WNK2: variants seen among roughly 807,000 people sequenced by gnomAD.
WNK2 encodes the protein serine/threonine-protein kinase WNK2.
WNK2 carries 67 observed loss-of-function variants against 192.1 expected under a neutral mutation model. The observed-to-expected ratio is 0.35, with a 90% CI of 0.29 to 0.43. The LOEUF is 0.43. Among genes scored for constraint, WNK2 ranks in the 20% least tolerant of loss-of-function variants. The probability of loss-of-function intolerance (pLI) is 1.00; values close to 1 mark genes in which losing one functional copy is unlikely to be tolerated. For synonymous variants in WNK2, 1,439 were observed against 1,393.9 expected, an observed-to-expected ratio of 1.03 and a Z score of -0.72; for missense variants, 2,698 against 3,089.7, an observed-to-expected ratio of 0.87 and a Z score of 3.01.
intron 12 of WNK2, among the ~76,000 whole-genome samples, chr9:93,260,519 T>C (rs540666988): frequency 1.3e-5 from 2 of 152,232 alleles, no homozygotes; most frequent in South Asian, 4.1e-4. Flanking sequence ...GCAGCTGGCA[T>C]GGTCCTAATG....
chr9:93,221,118 C>G (rs1474916434), intron 2 of WNK2, among the ~76,000 whole-genome samples: 2 of 152,328 alleles, frequency 1.3e-5, no homozygotes, highest in East Asian at 3.9e-4. Flanking sequence ...AGGGCGGGGC[C>G]CAGCACAGAG....
intron 2 of WNK2, among the ~76,000 whole-genome samples, chr9:93,186,546 G>C (rs1178519375): frequency 6.6e-6 from 1 of 152,230 alleles, no homozygotes; most frequent in Non-Finnish European, 1.5e-5. Flanking sequence ...AGTGTACTCT[G>C]TTGGCCTGTA....
chr9:93,318,878 G>A, intron 29 of WNK2: 1 of 1,402,246 alleles, frequency 7.1e-7, no homozygotes, highest in Non-Finnish European at 9.2e-7. Flanking sequence ...AAAGCAGACT[G>A]CTTGGGACTG....
At chr9:93,299,487 G>T (rs1204545443) in intron 25 of WNK2, among the ~76,000 whole-genome samples, 2 of 152,214 alleles carry the variant, frequency 1.3e-5, no homozygotes, top group African/African-American at 4.8e-5. Flanking sequence ...TCAGGGGGAG[G>T]TGATGCTTTG....
rs12350787 is a variant in WNK2 at position 93,288,848 on chromosome 9, A to C, written c.4094A>C (p.Gln1365Pro). 283 of 1,612,384 alleles carry C rather than the reference A, an allele frequency of 1.8e-4. 1 individual carries two copies. The African/African-American group carries it at 3.6e-3, about 20-fold the overall frequency. The change falls in exon 20 of 30, where the codon CAG becomes CCG. Residue 1365 changes from glutamine to proline, a missense_variant. Physicochemically the swap from Gln to Pro is moderately conservative, Grantham distance 76 (BLOSUM62 -1). Coordinates refer to ENST00000427277, the MANE Select transcript of WNK2 (RefSeq NM_006648.4). ...GAACAACCCAGCTTTCTAGCCAGTC[A>C]GCAGCTCCTGAGCCAGGCGGGCCCC... The part of the protein sequence containing the change: ...SKEQPSFLAS[Q>P]QLLSQAGPSN...
At chr9:93,309,619 G>A (rs921502113) in intron 28 of WNK2, among the ~76,000 whole-genome samples, 2 of 151,938 alleles carry the variant, frequency 1.3e-5, no homozygotes, top group African/African-American at 2.4e-5. Context: ...CCTCTCCTTC[G>A]CTCTTTCTCT....
chr9:93,308,185 C>T (rs969468848), intron 27 of WNK2, 143 bp from the exon 28 acceptor site: 33 of 1,432,372 alleles, frequency 2.3e-5, no homozygotes, highest in Middle Eastern at 2.6e-4. Flanking sequence ...CCCCTTAATC[C>T]GACCGCCTCT....
intron 19 of WNK2, among the ~76,000 whole-genome samples, chr9:93,274,689 T>C (rs1846517215): frequency 6.6e-6 from 1 of 152,136 alleles, no homozygotes; most frequent in South Asian, 2.1e-4. Flanking sequence ...TCAAAAGCCA[T>C]AAACTACTAA....
chr9:93,192,195 TC>T (rs1455966685), intron 2 of WNK2, among the ~76,000 whole-genome samples: 6 of 151,076 alleles, frequency 4.0e-5, no homozygotes, highest in Admixed American at 4.0e-4. Context: ...GCACCTGTAG[TC>T]CCAGCTACTC....
chr9:93,319,992 C>A (rs993169160), intron 29 of WNK2, among the ~76,000 whole-genome samples: 11 of 152,218 alleles, frequency 7.2e-5, no homozygotes, highest in African/African-American at 2.7e-4. Flanking sequence ...GGGGCCACCT[C>A]CTCAGAGAGC....
At chr9:93,226,252 CT>C (rs1837797707) in intron 2 of WNK2, among the ~76,000 whole-genome samples, 1 of 152,212 alleles carries the variant, frequency 6.6e-6, no homozygotes, top group Admixed American at 6.5e-5. Context: ...CTGACCTGGC[CT>C]TGGTGGGCCA....
chr9:93,229,206 GCTCTGCTAGGGCTTTTCT>G lies in WNK2; in HGVS notation c.682-487_682-470del, dbSNP rs544729090. Among the ~76,000 whole-genome samples the G allele has an allele frequency of 1.3e-3, 199 of 152,282 alleles. No homozygotes were observed. The highest frequency in any genetic ancestry group is 3.4e-3 in the Middle Eastern group (1 of 294). Reference sequence around the variant, plus strand: ...TCTGGGCTGCTGACTGGTCAGTTTGGCTCTGCTAGGGCTTTTCTCTTCCCTCCATTCTCAGCTCTTATC... The same window carrying G: ...TCTGGGCTGCTGACTGGTCAGTTTGGCTTCCCTCCATTCTCAGCTCTTATC... On this transcript the variant is annotated intron_variant, in intron 2 of 29. Transcript: ENST00000427277. The surrounding 1 kb of genome is among the most constrained non-coding windows in gnomAD (Gnocchi z 4.9).
chr9:93,313,367 A>G (rs1393159412), intron 28 of WNK2, among the ~76,000 whole-genome samples: 1 of 147,832 alleles, frequency 6.8e-6, no homozygotes, highest in Non-Finnish European at 1.5e-5. Flanking sequence ...TTTCAGTTGA[A>G]TTTTTTTTTA....
rs1470580431 is a variant in WNK2, at chr9:93,257,070, C to T, written c.2313C>T (p.Ala771=). Reference sequence around the variant, plus strand: ...TGGCTCCAGCCTCCCAGGTGGGGGCCCCCGCTCAGCTGAAGCCCCTCCAGA... The same window carrying T: ...TGGCTCCAGCCTCCCAGGTGGGGGCTCCCGCTCAGCTGAAGCCCCTCCAGA... ...PYLAPASQVG[A]PAQLKPLQMP... Residue 771 remains alanine (A), a synonymous_variant, in exon 11 of 30, where the codon GCC becomes GCT. Coordinates refer to ENST00000427277, the MANE Select transcript of WNK2 (RefSeq NM_006648.4). This position sits in a 1 kb window ranked among gnomAD's most constrained non-coding sequence, Gnocchi z 4.7. The T allele has an allele frequency of 1.2e-6, 2 of 1,607,158 alleles. No individual in the cohort carries two copies. Among genetic ancestry groups the T allele is most frequent in the Admixed American group, 1.7e-5 (1 of 58,708 alleles).
chr9:93,292,266 C>T (rs748260541), intron 21 of WNK2, 42 bp from the exon 22 acceptor site: 2 of 1,607,056 alleles, frequency 1.2e-6, no homozygotes, highest in Non-Finnish European at 1.7e-6. Flanking sequence ...TCTGCCTCTT[C>T]CTCCTCCTTC....
At chr9:93,296,744 C>A (rs1850575396) in intron 23 of WNK2, among the ~76,000 whole-genome samples, 1 of 111,706 alleles carries the variant, frequency 9.0e-6, no homozygotes, top group Non-Finnish European at 1.9e-5. Context: ...TTTCCTCCTC[C>A]TCCTCCATCC....
At chr9:93,316,543 C>G (rs1354641132) in intron 28 of WNK2, 1 of 151,950 alleles carries the variant, frequency 6.6e-6, no homozygotes, top group East Asian at 1.9e-4. Context: ...TTTAAATCTC[C>G]TTTTCCAGCT....
In WNK2 at chr9:93,225,817, C is replaced by T. The variant is rs184964307; in HGVS notation, c.682-3879C>T. Among the ~76,000 whole-genome samples the T allele has an allele frequency of 3.3e-4, 51 of 152,262 alleles. 1 individual carries two copies. The highest frequency in any genetic ancestry group is 6.2e-4 in the South Asian group (3 of 4,818). ...TGTTTCCCAGAGAAGGCTTCCTGGG[C>T]GAACTGGCCTAGCTGAGCACTGCCA... On this transcript the variant is annotated intron_variant, in intron 2 of 29. Coordinates refer to ENST00000427277, the MANE Select transcript of WNK2 (RefSeq NM_006648.4).
chr9:93,300,881 C>T (rs980014981), intron 26 of WNK2, among the ~76,000 whole-genome samples: 4 of 152,230 alleles, frequency 2.6e-5, no homozygotes, highest in Non-Finnish European at 5.9e-5. Context: ...AGGAGAGTGA[C>T]GGCCACCTGG....
Sources: allele counts gnomAD v4.1 joint callset (sites outside exome capture counted in the v4.1 genomes callset), GRCh38; gene constraint gnomAD v4.1.1; non-coding constraint Gnocchi (gnomAD v3.1); transcripts MANE v1.5; gene names NCBI Gene and HGNC (gene_info 2026-07-23, HGNC 2026-07-21).